The following SLC13A2 variants were observed in gnomAD, a reference collection of about 807,000 sequenced individuals.
SLC13A2 encodes solute carrier family 13 member 2, also known as Na(+)-coupled citrate transporter.
A neutral mutation model predicts 58.5 loss-of-function variants in SLC13A2; 40 were observed. That is an observed-to-expected ratio of 0.68 (90% CI 0.53 to 0.89). SLC13A2 has a LOEUF of 0.89. SLC13A2 is among the 40% of genes least tolerant of loss of function. SLC13A2 has a pLI of 0.00. For synonymous variants in SLC13A2, 341 were observed against 331.6 expected (o/e 1.03, Z -0.31); for missense variants, 694 against 772.6 (o/e 0.90, Z 1.21).
intron 1 of SLC13A2, chr17:28,487,673 T>G: frequency 3.1e-6 from 2 of 650,368 alleles, no homozygotes; most frequent in East Asian, 1.4e-4. Flanking sequence ...TAACTGGCCA[T>G]TCAGTCATTG....
chr17:28,497,533 G>T lies in SLC13A2; in HGVS notation c.*264G>T. On this transcript the variant is annotated 3_prime_UTR_variant, in exon 12 of 12. Transcript: ENST00000314669. ...GGTGTGTGACGTGAGGCTATCTGAG[G>T]GGGGCTGTGTGCATGCACATGATCC... 1.9e-6 allele frequency: 1 copy of T among 515,532 alleles called. No individual in the cohort carries two copies. Among genetic ancestry groups the T allele is most frequent in the Non-Finnish European group, 3.5e-6 (1 of 287,736 alleles). The allele number at this position is 515,532 out of a possible 1,614,324, so 31.9% of individuals were successfully genotyped here.
At chr17:28,488,489 A>G (rs2068932625) in intron 1 of SLC13A2, among the ~76,000 whole-genome samples, 1 of 152,150 alleles carries the variant, frequency 6.6e-6, no homozygotes, top group Non-Finnish European at 1.5e-5. Flanking sequence ...GTGGGCCTCC[A>G]TTCTTGCCCC....
chr17:28,497,482 ATGTG>A lies in SLC13A2; in HGVS notation c.*216_*219del. The A allele has an allele frequency of 5.1e-6, 3 of 589,552 alleles. No individual in the cohort carries two copies. Among genetic ancestry groups the A allele is most frequent in the Non-Finnish European group, 3.0e-6 (1 of 337,398 alleles). The allele number at this position is 589,552 out of a possible 1,614,324, so 36.5% of individuals were successfully genotyped here. Reference sequence around the variant, plus strand: ...GGTGTGTGCATGTGTGTGTGCGCATATGTGTGCGCCTGCATGGATGTGAGGGGTG... The same window carrying A: ...GGTGTGTGCATGTGTGTGTGCGCATATGCGCCTGCATGGATGTGAGGGGTG... On this transcript the variant is annotated 3_prime_UTR_variant, in exon 12 of 12. Coordinates refer to ENST00000314669, the MANE Select transcript of SLC13A2 (RefSeq NM_003984.4).
intron 6 of SLC13A2, 133 bp from the exon 7 acceptor site, chr17:28,493,438 G>A (rs201926607): frequency 3.2e-5 from 21 of 666,038 alleles, no homozygotes; most frequent in Middle Eastern, 4.1e-4. Context: ...AACCTCAGGC[G>A]GAGCTGGGGC....
At position 28,496,486 on chromosome 17, in the gene SLC13A2, C is replaced by T; in HGVS notation, c.1507C>T (p.Leu503Phe). 1 of 1,611,466 alleles carries T rather than the reference C, an allele frequency of 6.2e-7. No homozygotes were observed. Among genetic ancestry groups the T allele is most frequent in the Non-Finnish European group, 8.5e-7 (1 of 1,178,330 alleles). The change falls in exon 11 of 12, where the codon CTC becomes TTC. Residue 503 changes from leucine to phenylalanine, a missense_variant. Physicochemically the swap from Leu to Phe is conservative, Grantham distance 22 (BLOSUM62 0). Transcript: ENST00000314669. This position sits in a 1 kb window ranked among gnomAD's most constrained non-coding sequence, Gnocchi z 4.2. Reference sequence around the variant, plus strand: ...CTGCCTCCACCCTCTCTACGTCATGCTCCCCTGCACTCTGGCCACCTCCCT... The same window carrying T: ...CTGCCTCCACCCTCTCTACGTCATGTTCCCCTGCACTCTGGCCACCTCCCT... ...AICLHPLYVM[L>F]PCTLATSLAF...
intron 1 of SLC13A2, among the ~76,000 whole-genome samples, chr17:28,488,424 T>C (rs905844649): frequency 2.0e-5 from 3 of 152,116 alleles, no homozygotes; most frequent in Non-Finnish European, 4.4e-5. Context: ...TCCCCAGCCC[T>C]GGGAAGCCTC....
chr17:28,492,066 G>T (rs1468653553), intron 6 of SLC13A2, among the ~76,000 whole-genome samples: 1 of 152,188 alleles, frequency 6.6e-6, no homozygotes, highest in Admixed American at 6.5e-5. Context: ...GAGGCTTCAG[G>T]AGTGGTTCGC....
At chr17:28,493,542 C>T (rs151202367) in intron 6 of SLC13A2, 29 bp from the exon 7 acceptor site, 13 of 1,561,626 alleles carry the variant, frequency 8.3e-6, no homozygotes, top group South Asian at 7.2e-5. Context: ...GCAGGCCCCC[C>T]ACGAGCTGCC....
intron 1 of SLC13A2, among the ~76,000 whole-genome samples, chr17:28,482,493 C>T (rs2068802404): frequency 6.6e-6 from 1 of 152,132 alleles, no homozygotes; most frequent in Non-Finnish European, 1.5e-5. Flanking sequence ...TGTACAAACC[C>T]CTACATCAGA....
rs782050119 is a variant in SLC13A2 at position 28,488,309 on chromosome 17, T to C, written c.103-905T>C. Among the ~76,000 whole-genome samples the C allele has an allele frequency of 6.6e-5, 10 of 152,084 alleles. No individual in the cohort carries two copies. The East Asian group carries it at 1.9e-3, about 29-fold the overall frequency. On this transcript the variant is annotated intron_variant, in intron 1 of 11. Transcript: ENST00000314669. Reference sequence around the variant, plus strand: ...GGGAGGAGGGGGTCCCCAGCCCCATTGTCCAACAAACCCCAGCATGCGGCC... The same window carrying C: ...GGGAGGAGGGGGTCCCCAGCCCCATCGTCCAACAAACCCCAGCATGCGGCC...
intron 2 of SLC13A2, among the ~76,000 whole-genome samples, chr17:28,489,949 A>G (rs1475994492): frequency 1.3e-5 from 2 of 152,168 alleles, no homozygotes; most frequent in African/African-American, 2.4e-5. Context: ...TGAGTTTGAC[A>G]AGAAGAGGGG....
intron 1 of SLC13A2, among the ~76,000 whole-genome samples, chr17:28,481,950 C>A (rs1558220): frequency 0.15 from 23,005 of 152,050 alleles, 1,977 homozygotes; most frequent in East Asian, 0.26. Flanking sequence ...GACCCAGCAC[C>A]TTTTCATATT....
rs2068621941 is a variant in SLC13A2 at position 28,473,672 on chromosome 17, C to T, written c.-41C>T. The T allele has an allele frequency of 3.3e-6, 5 of 1,507,192 alleles. No individual in the cohort carries two copies. Among genetic ancestry groups the T allele is most frequent in the Non-Finnish European group, 4.6e-6 (5 of 1,086,642 alleles). 93.4% of individuals were successfully genotyped at this position (1,507,192 alleles called of 1,614,324 possible). On this transcript the variant is annotated 5_prime_UTR_variant, in exon 1 of 12. Coordinates refer to ENST00000314669, the MANE Select transcript of SLC13A2 (RefSeq NM_003984.4). ...TCTTTGGTCCTTCTGTTACCCAGCTCCTGGAGGCAGTGGCTGTAGCAGCCC... is the reference window on the plus strand; with the variant it reads ...TCTTTGGTCCTTCTGTTACCCAGCTTCTGGAGGCAGTGGCTGTAGCAGCCC...
chr17:28,489,852 G>A (rs188130951), intron 2 of SLC13A2, among the ~76,000 whole-genome samples: 1 of 152,220 alleles, frequency 6.6e-6, no homozygotes, highest in Non-Finnish European at 1.5e-5. Flanking sequence ...CCGCACTAAA[G>A]TATCTATCTC....
intron 2 of SLC13A2, 140 bp downstream of exon 2, chr17:28,489,482 A>G (rs2068958836): frequency 3.9e-6 from 4 of 1,016,178 alleles, no homozygotes; most frequent in Non-Finnish European, 5.4e-6. Flanking sequence ...CATGAGGAAG[A>G]AGTCAGCTAG....
At chr17:28,480,166 AAG>A (rs564301830) in intron 1 of SLC13A2, among the ~76,000 whole-genome samples, 6 of 150,686 alleles carry the variant, frequency 4.0e-5, no homozygotes, top group African/African-American at 7.3e-5. Context: ...AAAAAAAAAA[AAG>A]GGGGGGTCAA....
Position 28,490,539 on chromosome 17 carries a change from A to G in SLC13A2, c.317A>G (p.His106Arg), listed in dbSNP as rs1555603067. Residue 106 changes from histidine to arginine, a missense_variant, in exon 3 of 12, where the codon CAT becomes CGT. Transcript: ENST00000314669. ...ATCGCGGTGGAACACTGGAACCTGC[A>G]TAAACGCATCGCCCTCCGTGTCCTC... Reference protein sequence around the residue: ...VAIAVEHWNLHKRIALRVLLI... With the variant: ...VAIAVEHWNLRKRIALRVLLI... 6.2e-7 allele frequency: 1 copy of G among 1,613,450 alleles called. No individual in the cohort carries two copies. Among genetic ancestry groups the G allele is most frequent in the South Asian group, 1.1e-5 (1 of 91,060 alleles).
At chr17:28,486,651 G>A (rs2068887317) in intron 1 of SLC13A2, among the ~76,000 whole-genome samples, 1 of 152,114 alleles carries the variant, frequency 6.6e-6, no homozygotes, top group Admixed American at 6.5e-5. Flanking sequence ...TGTTCTGAGA[G>A]GCCCCCTGGG....
At chr17:28,477,687 G>T (rs2068713048) in intron 1 of SLC13A2, among the ~76,000 whole-genome samples, 1 of 152,202 alleles carries the variant, frequency 6.6e-6, no homozygotes, top group Non-Finnish European at 1.5e-5. Context: ...CATTTGTTGA[G>T]TATATTTTAT....
Sources: allele counts gnomAD v4.1 joint callset (sites outside exome capture counted in the v4.1 genomes callset), GRCh38; gene constraint gnomAD v4.1.1; non-coding constraint Gnocchi (gnomAD v3.1); transcripts MANE v1.5; gene names NCBI Gene and HGNC (gene_info 2026-07-23, HGNC 2026-07-21).